The following ZBTB38 variants were observed in gnomAD, a reference collection of about 807,000 sequenced individuals.
ZBTB38 encodes the protein zinc finger and BTB domain containing 38.
Under a neutral mutation model 76.8 loss-of-function variants are expected in ZBTB38, and 20 were observed. The observed-to-expected ratio is 0.26, with a 90% CI of 0.18 to 0.38. The LOEUF (loss-of-function observed/expected upper bound fraction) is 0.38, where lower values mean the gene tolerates loss of function less well. Ranked by LOEUF, ZBTB38 falls within the 10% of genes least tolerant of loss-of-function variation. The pLI is 1.00. For synonymous variants in ZBTB38, 504 were observed against 544.2 expected (o/e 0.93, Z 1.03); for missense variants, 1,082 against 1,482.3 (o/e 0.73, Z 4.43).
At chr3:141,420,713 G>A (rs979004073) in intron 5 of ZBTB38, among the ~76,000 whole-genome samples, 7 of 152,148 alleles carry the variant, frequency 4.6e-5, no homozygotes, top group African/African-American at 1.4e-4. Flanking sequence ...CTGCTGCTCT[G>A]TGGAGGTGAG....
At position 141,444,827 on chromosome 3, in the gene ZBTB38, C is replaced by T; in HGVS notation, c.2439C>T (p.Ser813=). The change falls in exon 6 of 6, where the codon AGC becomes AGT. Residue 813 remains serine, a synonymous_variant. Transcript: ENST00000321464. This position sits in a 1 kb window ranked among gnomAD's most constrained non-coding sequence, Gnocchi z 5.1. ...SKTTNIAEET[S]KIETYIAKPA... ...CCACAAATATTGCTGAAGAAACCAGCAAAATTGAAACCTACATTGCAAAAC... is the reference window on the plus strand; with the variant it reads ...CCACAAATATTGCTGAAGAAACCAGTAAAATTGAAACCTACATTGCAAAAC... 6.2e-7 allele frequency: 1 copy of T among 1,614,124 alleles called. No individual in the cohort carries two copies. The highest frequency in any genetic ancestry group is 2.2e-5 in the East Asian group (1 of 44,884).
In ZBTB38 at chr3:141,377,874, C is replaced by T. The variant is rs527527746; in HGVS notation, c.-234-3551C>T. Among the ~76,000 whole-genome samples, 11 of 152,276 alleles carry T rather than the reference C, an allele frequency of 7.2e-5. No homozygotes were observed. The South Asian group carries it at 1.5e-3, about 20-fold the overall frequency. ...ATGCTACATGATTCCATTTAGAGAA[C>T]GTTCTTGGACTGACAAAATCACAGT... On this transcript the variant is annotated intron_variant, in intron 2 of 5. Coordinates refer to ENST00000321464, the MANE Select transcript of ZBTB38 (RefSeq NM_001376113.1).
intron 5 of ZBTB38, among the ~76,000 whole-genome samples, chr3:141,424,702 A>C (rs1157094301): frequency 6.6e-6 from 1 of 151,988 alleles, no homozygotes; most frequent in Admixed American, 6.6e-5. Context: ...TGTCTGAATT[A>C]AGAAAGAATA....
rs1284126816 is a variant in ZBTB38, at chr3:141,346,681, G to A, written c.-738-21940G>A. Among the ~76,000 whole-genome samples the A allele has an allele frequency of 5.3e-5, 8 of 152,236 alleles. No homozygotes were observed. In the East Asian group the frequency reaches 1.5e-3, roughly 29 times the overall value. ...ATGAGCCAGTGCCCAGCTGGGCTCAGCCTGGTCCACTCCACATTGCCAGCC... is the reference window on the plus strand; with the variant it reads ...ATGAGCCAGTGCCCAGCTGGGCTCAACCTGGTCCACTCCACATTGCCAGCC... On this transcript the variant is annotated intron_variant, in intron 1 of 7. Coordinates refer to the ZBTB38 transcript ENST00000509842.
chr3:141,357,393 A>G (rs1453221157), intron 1 of ZBTB38, among the ~76,000 whole-genome samples: 1 of 152,306 alleles, frequency 6.6e-6, no homozygotes, highest in East Asian at 1.9e-4. Context: ...AAAGAAATCT[A>G]TCAATGACTT....
At chr3:141,355,182 G>A (rs986802720) in intron 1 of ZBTB38, among the ~76,000 whole-genome samples, 1 of 152,026 alleles carries the variant, frequency 6.6e-6, no homozygotes, top group Non-Finnish European at 1.5e-5. Flanking sequence ...TTACATTATA[G>A]AGATAAATGT....
At chr3:141,385,368 T>C (rs1198395385) in intron 3 of ZBTB38, among the ~76,000 whole-genome samples, 2 of 152,166 alleles carry the variant, frequency 1.3e-5, no homozygotes, top group Non-Finnish European at 2.9e-5. Context: ...TTTGTAGCTA[T>C]AGAGTGGAAA....
intron 5 of ZBTB38, among the ~76,000 whole-genome samples, chr3:141,409,156 C>G (rs1454237063): frequency 1.3e-5 from 2 of 152,140 alleles, no homozygotes; most frequent in Non-Finnish European, 2.9e-5. Context: ...AGTGATTTTC[C>G]TGTCTCAGCC....
intron 5 of ZBTB38, among the ~76,000 whole-genome samples, chr3:141,441,961 A>G (rs2080357848): frequency 6.6e-6 from 1 of 152,100 alleles, no homozygotes; most frequent in Non-Finnish European, 1.5e-5. Flanking sequence ...TGACTGGATC[A>G]TCAGATTTCT....
At chr3:141,373,661 A>C (rs963454358) in intron 2 of ZBTB38, among the ~76,000 whole-genome samples, 8 of 152,160 alleles carry the variant, frequency 5.3e-5, no homozygotes, top group African/African-American at 1.7e-4. Flanking sequence ...AAAATACCAC[A>C]CTTCAGGGTT....
At chr3:141,419,067 TCA>T (rs890717140) in intron 5 of ZBTB38, among the ~76,000 whole-genome samples, 29 of 152,170 alleles carry the variant, frequency 1.9e-4, no homozygotes, top group African/African-American at 6.8e-4. Flanking sequence ...TTTAATTGAC[TCA>T]CAGTTTTGCA....
chr3:141,398,738 T>G (rs1489435115), intron 4 of ZBTB38, among the ~76,000 whole-genome samples: 1 of 152,150 alleles, frequency 6.6e-6, no homozygotes, highest in Non-Finnish European at 1.5e-5. Flanking sequence ...TAAAATATAT[T>G]TTTTAAATGT....
upstream of ZBTB38, among the ~76,000 whole-genome samples, chr3:141,364,676 TAAAAAAAAAAAAAAAAAAAAA>T (rs59398877): frequency 4.6e-5 from 2 of 43,416 alleles, no homozygotes; most frequent in South Asian, 2.0e-3. Context: ...AAACTACATC[TAAAAAAAAAAAAAAAAAAAAA>T]AAAAAAAAAA....
chr3:141,447,041 T>G lies in ZBTB38; in HGVS notation c.*1065T>G, dbSNP rs1306371450. On this transcript the variant is annotated 3_prime_UTR_variant, in exon 6 of 6. Coordinates refer to ENST00000321464, the MANE Select transcript of ZBTB38 (RefSeq NM_001376113.1). ...CCACTGAAGGACTGTCCAAGAGATTTAGTGCAAGGTACACTGCAGTAGTGA... is the reference window on the plus strand; with the variant it reads ...CCACTGAAGGACTGTCCAAGAGATTGAGTGCAAGGTACACTGCAGTAGTGA... 9 of 152,620 alleles carry G rather than the reference T, an allele frequency of 5.9e-5. No homozygotes were observed. 9.5% of individuals were successfully genotyped at this position (152,620 alleles called of 1,614,324 possible).
intron 1 of ZBTB38, among the ~76,000 whole-genome samples, chr3:141,353,455 C>T (rs1208503826): frequency 6.6e-6 from 1 of 151,964 alleles, no homozygotes; most frequent in African/African-American, 2.4e-5. Flanking sequence ...TGCTACTAAC[C>T]AAAAAGCAAA....
At chr3:141,432,169 C>T (rs1249150434) in intron 5 of ZBTB38, 1 of 985,372 alleles carries the variant, frequency 1.0e-6, no homozygotes, top group African/African-American at 1.7e-5. Flanking sequence ...CAGACCTGCG[C>T]AGTAGATTTC....
Position 141,449,164 on chromosome 3 carries a change from T to C in ZBTB38, c.*3188T>C, listed in dbSNP as rs1274976806. 1 of 152,206 alleles carries C rather than the reference T, an allele frequency of 6.6e-6. No homozygotes were observed. Among genetic ancestry groups the C allele is most frequent in the Non-Finnish European group, 1.5e-5 (1 of 68,040 alleles). 9.4% of individuals were successfully genotyped at this position (152,206 alleles called of 1,614,324 possible). A position where few individuals can be genotyped will look rare whatever the true frequency, so the allele number is the denominator to read the frequency against. On this transcript the variant is annotated 3_prime_UTR_variant, in exon 6 of 6. Coordinates refer to ENST00000321464, the MANE Select transcript of ZBTB38 (RefSeq NM_001376113.1). The stretch of plus-strand genomic sequence containing the variant: ...GCCAGGATGCTAACCTAGGTCTGCC[T>C]GACTCCAAAGCCCATGTTTTTGTTC...
chr3:141,355,200 A>T (rs181428584), intron 1 of ZBTB38, among the ~76,000 whole-genome samples: 2 of 152,226 alleles, frequency 1.3e-5, no homozygotes, highest in Non-Finnish European at 2.9e-5. Flanking sequence ...TGTGGGTAAC[A>T]GGTAAGAATG....
At chr3:141,422,091 T>C (rs2075508847) in intron 5 of ZBTB38, among the ~76,000 whole-genome samples, 1 of 152,238 alleles carries the variant, frequency 6.6e-6, no homozygotes, top group South Asian at 2.1e-4. Context: ...AGGAACTGCC[T>C]TGGGGCATTC....
Sources: allele counts gnomAD v4.1 joint callset (sites outside exome capture counted in the v4.1 genomes callset), GRCh38; gene constraint gnomAD v4.1.1; non-coding constraint Gnocchi (gnomAD v3.1); transcripts MANE v1.5; gene names NCBI Gene and HGNC (gene_info 2026-07-23, HGNC 2026-07-21).